SH3GL2: variants seen among roughly 807,000 people sequenced by gnomAD.
SH3GL2 encodes SH3 domain containing GRB2 like 2, endophilin A1.
Under a neutral mutation model 46.0 loss-of-function variants are expected in SH3GL2, and 24 were observed. The ratio of observed to expected loss-of-function variants is 0.52; its 90% confidence interval spans 0.38 to 0.73. SH3GL2 has a LOEUF of 0.73. SH3GL2 is among the 30% of genes least tolerant of loss of function. The pLI is 0.00. For missense variants in SH3GL2, 413 were observed against 424.2 expected (o/e 0.97, Z 0.23); for synonymous variants, 196 against 147.1 (o/e 1.33, Z -2.40).
intron 1 of SH3GL2, among the ~76,000 whole-genome samples, chr9:17,662,244 C>A (rs142119628): frequency 1.4e-4 from 21 of 152,214 alleles, no homozygotes; most frequent in African/African-American, 5.1e-4. Context: ...GATGTTTGGT[C>A]CCCATGATGA....
rs190487788 is a variant in SH3GL2, at chr9:17,758,129, C to T, written c.115-3308C>T. Among the ~76,000 whole-genome samples, 362 of 152,274 alleles carry T rather than the reference C, an allele frequency of 2.4e-3. 2 individuals carry two copies. The highest frequency in any genetic ancestry group is 4.3e-3 in the Non-Finnish European group (294 of 68,016). On this transcript the variant is annotated intron_variant, in intron 2 of 8. Coordinates refer to ENST00000380607, the MANE Select transcript of SH3GL2 (RefSeq NM_003026.5). ...TAATGGCCTTGGGAACTACTTTTCT[C>T]CTCATAACACACTTAAAGAGCTCCT... is the stretch of plus-strand genomic sequence containing the variant.
In SH3GL2 at chr9:17,758,561, C is replaced by CAAAAAAAAAAAAAAAAAAAAAAAAAA. The variant is rs57019804; in HGVS notation, c.115-2867_115-2842dup. On this transcript the variant is annotated intron_variant, in intron 2 of 8. Transcript: ENST00000380607. ...TGGGGGAGAGAGTAAGACCCTGTCT[C>CAAAAAAAAAAAAAAAAAAAAAAAAAA]AAAAAAAAAAAAAAAAAAAAAAAAA... is the stretch of plus-strand genomic sequence containing the variant. 4.4e-4 allele frequency among the ~76,000 whole-genome samples: 13 copies of CAAAAAAAAAAAAAAAAAAAAAAAAAA among 29,228 alleles called. 4 individuals carry two copies. Among genetic ancestry groups the CAAAAAAAAAAAAAAAAAAAAAAAAAA allele is most frequent in the East Asian group, 6.4e-3 (2 of 314 alleles). The allele number at this position is 29,228 out of a possible 152,430, so 19.2% of individuals were successfully genotyped here.
intron 1 of SH3GL2, among the ~76,000 whole-genome samples, chr9:17,664,908 G>GA (rs1158214018): frequency 1.3e-5 from 2 of 150,234 alleles, no homozygotes; most frequent in Admixed American, 6.6e-5. Context: ...TTCTTTGCTT[G>GA]AAAAAAAAAT....
chr9:17,603,750 C>T (rs1413726738), intron 1 of SH3GL2, among the ~76,000 whole-genome samples: 1 of 152,054 alleles, frequency 6.6e-6, no homozygotes, highest in Non-Finnish European at 1.5e-5. Context: ...ATCCCAGCTA[C>T]TCGGGAGGCT....
At chr9:17,684,990 A>G (rs538202561) in intron 1 of SH3GL2, among the ~76,000 whole-genome samples, 1 of 152,244 alleles carries the variant, frequency 6.6e-6, no homozygotes, top group South Asian at 2.1e-4. Context: ...GTCTTGATTT[A>G]TGAATTTGTC....
chr9:17,655,906 C>G (rs1219091398), intron 1 of SH3GL2, among the ~76,000 whole-genome samples: 1 of 152,206 alleles, frequency 6.6e-6, no homozygotes, highest in Admixed American at 6.5e-5. Flanking sequence ...GCACAGGGAT[C>G]TGCACTTCAT....
chr9:17,619,660 A>G (rs1819091268), intron 1 of SH3GL2, among the ~76,000 whole-genome samples: 1 of 151,592 alleles, frequency 6.6e-6, no homozygotes, highest in Admixed American at 6.6e-5. Flanking sequence ...CTGGGCAACA[A>G]GAGTGAAACT....
intron 1 of SH3GL2, among the ~76,000 whole-genome samples, chr9:17,746,757 C>A (rs560838929): frequency 6.6e-6 from 1 of 152,278 alleles, no homozygotes; most frequent in Admixed American, 6.5e-5. Flanking sequence ...TCCCTTAGAA[C>A]TTTCAAGAGG....
At chr9:17,687,809 A>G (rs1820962070) in intron 1 of SH3GL2, among the ~76,000 whole-genome samples, 1 of 152,064 alleles carries the variant, frequency 6.6e-6, no homozygotes, top group African/African-American at 2.4e-5. Context: ...TCAAGGCAGT[A>G]TGGGGAAAGG....
At chr9:17,790,346 C>T in intron 6 of SH3GL2, 2 of 607,766 alleles carry the variant, frequency 3.3e-6, no homozygotes, top group Non-Finnish European at 4.1e-6. Flanking sequence ...TCTGGGGATC[C>T]CTTAATCTAG....
chr9:17,682,070 G>A (rs1166278243), intron 1 of SH3GL2, among the ~76,000 whole-genome samples: 1 of 152,130 alleles, frequency 6.6e-6, no homozygotes, highest in African/African-American at 2.4e-5. Flanking sequence ...AACAATAGAT[G>A]TGAGCCTGTG....
At chr9:17,772,853 G>A (rs1482917002) in intron 3 of SH3GL2, among the ~76,000 whole-genome samples, 1 of 152,122 alleles carries the variant, frequency 6.6e-6, no homozygotes, top group African/African-American at 2.4e-5. Flanking sequence ...ATTTTGGGTA[G>A]ATATCCAGAA....
At chr9:17,645,252 A>G (rs1268742606) in intron 1 of SH3GL2, among the ~76,000 whole-genome samples, 1 of 139,546 alleles carries the variant, frequency 7.2e-6, no homozygotes, top group Non-Finnish European at 1.5e-5. Context: ...TGCACATGAG[A>G]TGGGTCTCCT....
chr9:17,653,445 A>T (rs1440376708), intron 1 of SH3GL2, among the ~76,000 whole-genome samples: 1 of 151,864 alleles, frequency 6.6e-6, no homozygotes, highest in Non-Finnish European at 1.5e-5. Flanking sequence ...TGCCATCTGG[A>T]GAGATTTTTG....
chr9:17,618,456 A>T (rs1268603314), intron 1 of SH3GL2, among the ~76,000 whole-genome samples: 3 of 152,202 alleles, frequency 2.0e-5, no homozygotes, highest in African/African-American at 7.2e-5. Context: ...AGCATTTGAT[A>T]ATAGTAAACT....
intron 6 of SH3GL2, 191 bp downstream of exon 6, chr9:17,789,741 T>G: frequency 1.5e-6 from 2 of 1,358,464 alleles, no homozygotes; most frequent in Non-Finnish European, 1.9e-6. Flanking sequence ...TCTTCTGCAT[T>G]CCTGTAGTTT....
chr9:17,607,500 C>CTGAGT (rs1273811910), intron 1 of SH3GL2, among the ~76,000 whole-genome samples: 1 of 152,116 alleles, frequency 6.6e-6, no homozygotes, highest in Non-Finnish European at 1.5e-5. Context: ...TATGACATAG[C>CTGAGT]TGAGTTTTTC....
chr9:17,733,766 T>C (rs183772036), intron 1 of SH3GL2, among the ~76,000 whole-genome samples: 83 of 152,220 alleles, frequency 5.5e-4, no homozygotes, highest in Non-Finnish European at 7.9e-4. Flanking sequence ...GCGGCACATA[T>C]ACACCATGGA....
intron 1 of SH3GL2, among the ~76,000 whole-genome samples, chr9:17,692,627 A>G (rs971891544): frequency 1.4e-5 from 2 of 139,844 alleles, no homozygotes; most frequent in Non-Finnish European, 1.5e-5. Context: ...CCTGGGCAAC[A>G]GAGGAGACTC....
Sources: gnomAD v4.1 joint callset for allele counts (sites outside exome capture counted in the v4.1 genomes callset) on GRCh38, gnomAD v4.1.1 for gene constraint, MANE v1.5 for transcripts, NCBI Gene and HGNC (gene_info 2026-07-23, HGNC 2026-07-21) for gene names.